The following PARVB variants were observed in gnomAD, a reference collection of about 807,000 sequenced individuals.
PARVB encodes the protein parvin beta.
PARVB carries 46 observed loss-of-function variants against 47.0 expected under a neutral mutation model. The ratio of observed to expected loss-of-function variants is 0.98; its 90% confidence interval spans 0.77 to 1.25. The LOEUF (loss-of-function observed/expected upper bound fraction) is 1.25. Ranked by LOEUF, PARVB falls within the 50% of genes most tolerant of loss-of-function variation. The pLI is 0.00. For synonymous variants in PARVB, 196 were observed against 196.3 expected, an observed-to-expected ratio of 1.00 and a Z score of 0.01; for missense variants, 473 against 471.6, an observed-to-expected ratio of 1.00 and a Z score of -0.03.
intron 4 of PARVB, among the ~76,000 whole-genome samples, chr22:44,123,283 G>T (rs1340338462): frequency 2.0e-5 from 3 of 152,238 alleles, no homozygotes; most frequent in African/African-American, 7.2e-5. Context: ...TGGTGGCCCA[G>T]ATGAGAGCAG....
intron 1 of PARVB, among the ~76,000 whole-genome samples, chr22:44,048,517 G>A (rs1215442220): frequency 6.6e-6 from 1 of 151,858 alleles, no homozygotes; most frequent in Non-Finnish European, 1.5e-5. Flanking sequence ...GATTACAGGT[G>A]CCCACCACCA....
At chr22:44,156,134 C>G (rs761644447) in intron 10 of PARVB, among the ~76,000 whole-genome samples, 1 of 152,060 alleles carries the variant, frequency 6.6e-6, no homozygotes, top group Non-Finnish European at 1.5e-5. Context: ...CCACTGCACT[C>G]CAGCAGGGCC....
At chr22:44,062,334 T>C (rs573412452) in intron 1 of PARVB, among the ~76,000 whole-genome samples, 1 of 152,198 alleles carries the variant, frequency 6.6e-6, no homozygotes, top group Non-Finnish European at 1.5e-5. Flanking sequence ...ATTAATTTGC[T>C]GGGACTCAGA....
At chr22:44,093,343 G>A (rs1216199356) in intron 1 of PARVB, among the ~76,000 whole-genome samples, 1 of 152,222 alleles carries the variant, frequency 6.6e-6, no homozygotes, top group African/African-American at 2.4e-5. Context: ...AGGTCATGGT[G>A]TTTCTGACTT....
chr22:44,157,466 C>T (rs1404889136), intron 10 of PARVB, among the ~76,000 whole-genome samples: 1 of 152,144 alleles, frequency 6.6e-6, no homozygotes, highest in East Asian at 1.9e-4. Flanking sequence ...GTTAGAGCCC[C>T]CTCCCCTTTT....
At chr22:44,085,584 G>A (rs1174243245) in intron 1 of PARVB, among the ~76,000 whole-genome samples, 1 of 152,206 alleles carries the variant, frequency 6.6e-6, no homozygotes, top group Non-Finnish European at 1.5e-5. Flanking sequence ...GATTATAGGT[G>A]TGAGCCACTG....
intron 1 of PARVB, among the ~76,000 whole-genome samples, chr22:44,026,541 TG>T (rs1379147180): frequency 6.6e-6 from 1 of 152,200 alleles, no homozygotes; most frequent in Non-Finnish European, 1.5e-5. Context: ...TCAGGAAGAC[TG>T]GATAATGAGG....
intron 2 of PARVB, among the ~76,000 whole-genome samples, chr22:44,000,020 GA>G (rs980390390): frequency 2.6e-5 from 4 of 151,890 alleles, no homozygotes; most frequent in African/African-American, 4.8e-5. Context: ...AAAAAAGAAA[GA>G]AAGTGGACTA....
chr22:44,128,149 TG>T (rs1049298762), intron 4 of PARVB, among the ~76,000 whole-genome samples: 2 of 152,216 alleles, frequency 1.3e-5, no homozygotes, highest in African/African-American at 4.8e-5. Flanking sequence ...GCCAGGTTTC[TG>T]GGGGTGTAGC....
chr22:44,022,139 G>A (rs192742745), upstream of PARVB, among the ~76,000 whole-genome samples: 2 of 152,064 alleles, frequency 1.3e-5, no homozygotes, highest in East Asian at 1.9e-4. Flanking sequence ...TTCCTCCACC[G>A]TGCCTGCCTC....
intron 2 of PARVB, among the ~76,000 whole-genome samples, chr22:44,013,081 TAGATA>T (rs2050540070): frequency 6.6e-6 from 1 of 152,008 alleles, no homozygotes; most frequent in Non-Finnish European, 1.5e-5. Context: ...GTAGTTTTAG[TAGATA>T]AAGGTTTCAC....
intron 1 of PARVB, chr22:44,069,078 G>C (rs1374605992): frequency 1.2e-6 from 2 of 1,605,678 alleles, no homozygotes; most frequent in African/African-American, 2.7e-5. Flanking sequence ...GTCCCTATAT[G>C]AACGGGGTGT....
chr22:44,160,346 C>T (rs976934142), intron 11 of PARVB, among the ~76,000 whole-genome samples: 4 of 152,222 alleles, frequency 2.6e-5, no homozygotes, highest in East Asian at 1.9e-4. Flanking sequence ...CAGGGTTGCA[C>T]GGCCAGCAAG....
Position 44,100,015 on chromosome 22 carries a change from C to T in PARVB, c.203-38C>T, listed in dbSNP as rs536338909. On this transcript the variant is annotated intron_variant, in intron 2 of 12. Coordinates refer to ENST00000338758, the MANE Select transcript of PARVB (RefSeq NM_013327.5). Reference sequence around the variant, plus strand: ...TGGTTCCCCGTGTCCCTGCCACCCCCACAATCGCTGACCGTGACTTCCTTT... The same window carrying T: ...TGGTTCCCCGTGTCCCTGCCACCCCTACAATCGCTGACCGTGACTTCCTTT... The T allele has an allele frequency of 8.9e-6, 14 of 1,577,160 alleles. 2 individuals carry two copies. The East Asian group carries it at 1.8e-4, about 20-fold the overall frequency.
intron 1 of PARVB, chr22:44,026,193 C>CTTT (rs2050725414): frequency 4.9e-6 from 2 of 408,704 alleles, no homozygotes; most frequent in Admixed American, 1.3e-4. Context: ...TTCCAAAGTA[C>CTTT]GCAGTGCTTC....
At chr22:44,016,308 G>A (rs956819032) in intron 2 of PARVB, among the ~76,000 whole-genome samples, 11 of 151,836 alleles carry the variant, frequency 7.2e-5, no homozygotes, top group African/African-American at 2.7e-4. Context: ...GTGTTAGCCA[G>A]GATGGTCTCG....
intron 1 of PARVB, among the ~76,000 whole-genome samples, chr22:44,072,718 C>G (rs1281734557): frequency 6.6e-6 from 1 of 152,172 alleles, no homozygotes; most frequent in Admixed American, 6.5e-5. Flanking sequence ...GCTGGGATTA[C>G]AGGTGTGAAC....
intron 12 of PARVB, among the ~76,000 whole-genome samples, chr22:44,165,501 G>T (rs757266962): frequency 1.3e-5 from 2 of 152,340 alleles, no homozygotes; most frequent in Non-Finnish European, 2.9e-5. Flanking sequence ...CAGCCCTTTT[G>T]TTGCTGTGAG....
chr22:44,061,091 G>A (rs1000764279), intron 1 of PARVB, among the ~76,000 whole-genome samples: 6 of 152,096 alleles, frequency 3.9e-5, no homozygotes, highest in African/African-American at 9.7e-5. Context: ...CTTGCACTTG[G>A]GAACACTAGG....
Sources: allele counts gnomAD v4.1 joint callset (sites outside exome capture counted in the v4.1 genomes callset), GRCh38; gene constraint gnomAD v4.1.1; transcripts MANE v1.5; gene names NCBI Gene and HGNC (gene_info 2026-07-23, HGNC 2026-07-21).